PTPRD: variants seen among roughly 807,000 people sequenced by gnomAD.
The protein encoded by PTPRD is receptor-type tyrosine-protein phosphatase delta.
A neutral mutation model predicts 214.5 loss-of-function variants in PTPRD; 34 were observed. The observed-to-expected ratio is 0.16, with a 90% CI of 0.12 to 0.21. The LOEUF (loss-of-function observed/expected upper bound fraction) is 0.21, where lower values mean the gene tolerates loss of function less well. Ranked by LOEUF, PTPRD falls within the 10% of genes least tolerant of loss-of-function variation. The pLI, the probability that PTPRD is intolerant of heterozygous loss-of-function variation, is 1.00. For synonymous variants in PTPRD, 1,128 were observed against 845.7 expected (o/e 1.33, Z -5.79); for missense variants, 2,545 against 2,398.7 (o/e 1.06, Z -1.27).
At chr9:8,399,887 T>C (rs2092075204) in intron 36 of PTPRD, among the ~76,000 whole-genome samples, 2 of 152,218 alleles carry the variant, frequency 1.3e-5, no homozygotes, top group South Asian at 4.1e-4. Flanking sequence ...TTGATCATAC[T>C]TAAGTTTGCT....
At chr9:9,155,052 G>T (rs764501099) in intron 10 of PTPRD, among the ~76,000 whole-genome samples, 11 of 152,094 alleles carry the variant, frequency 7.2e-5, no homozygotes, top group Non-Finnish European at 1.5e-4. Context: ...CAATAGGGTG[G>T]TATTAAAATC....
chr9:10,386,656 CA>C (rs879888709), intron 2 of PTPRD, among the ~76,000 whole-genome samples: 39 of 35,292 alleles, frequency 1.1e-3, no homozygotes, highest in Middle Eastern at 0.012. Context: ...GCCCAAAGAC[CA>C]AAAAAACAAA....
chr9:8,638,658 A>C (rs2096501188), intron 12 of PTPRD, among the ~76,000 whole-genome samples: 1 of 152,054 alleles, frequency 6.6e-6, no homozygotes, highest in Admixed American at 6.6e-5. Flanking sequence ...CTCATCAGCA[A>C]ATTCAACTTG....
chr9:10,358,538 T>C (rs1256720868), intron 2 of PTPRD, among the ~76,000 whole-genome samples: 1 of 151,964 alleles, frequency 6.6e-6, no homozygotes, highest in Non-Finnish European at 1.5e-5. Flanking sequence ...GCAATGTCAA[T>C]GAATTAAATT....
At chr9:9,473,648 T>A (rs1329625312) in intron 8 of PTPRD, among the ~76,000 whole-genome samples, 1 of 152,122 alleles carries the variant, frequency 6.6e-6, no homozygotes, top group Non-Finnish European at 1.5e-5. Flanking sequence ...TGTTAGCACT[T>A]CATTCTCTTG....
At chr9:10,306,284 G>T (rs750610485) in intron 3 of PTPRD, among the ~76,000 whole-genome samples, 4 of 151,322 alleles carry the variant, frequency 2.6e-5, no homozygotes, top group Admixed American at 6.6e-5. Context: ...GGGTGGGGGG[G>T]GCTAGGGGAG....
chr9:9,785,802 T>C (rs530354903), intron 5 of PTPRD, among the ~76,000 whole-genome samples: 1 of 152,124 alleles, frequency 6.6e-6, no homozygotes, highest in African/African-American at 2.4e-5. Flanking sequence ...CTATGTCAGT[T>C]GTTAACATTA....
rs576516528 is a variant in PTPRD, at chr9:10,246,091, T to C, written c.-545+94872A>G. Among the ~76,000 whole-genome samples, 5 of 152,296 alleles carry C rather than the reference T, an allele frequency of 3.3e-5. No individual in the cohort carries two copies. In the East Asian group the frequency reaches 7.7e-4, roughly 24 times the overall value. On this transcript the variant is annotated intron_variant, in intron 3 of 45. Transcript: ENST00000381196. The stretch of plus-strand genomic sequence containing the variant: ...CTTTTTAAACCCTCTAGCAATCACA[T>C]ACTTCACAATAATGGTTAAAAGAAT...
intron 12 of PTPRD, among the ~76,000 whole-genome samples, chr9:8,663,321 A>T (rs2097102433): frequency 6.7e-6 from 1 of 149,786 alleles, no homozygotes; most frequent in African/African-American, 2.5e-5. Context: ...AAGGTAAAAG[A>T]CTCACAAGGA....
At chr9:10,305,161 T>A (rs2096014660) in intron 3 of PTPRD, among the ~76,000 whole-genome samples, 1 of 152,118 alleles carries the variant, frequency 6.6e-6, no homozygotes, top group Non-Finnish European at 1.5e-5. Flanking sequence ...GGGAAAGGAT[T>A]CCCTATTTAA....
At chr9:9,182,487 AG>A (rs1474900403) in intron 10 of PTPRD, among the ~76,000 whole-genome samples, 2 of 151,982 alleles carry the variant, frequency 1.3e-5, no homozygotes, top group Non-Finnish European at 2.9e-5. Context: ...ATTCATCACA[AG>A]TTTATTACGA....
At chr9:8,984,152 T>C (rs928333073) in intron 11 of PTPRD, among the ~76,000 whole-genome samples, 3 of 152,020 alleles carry the variant, frequency 2.0e-5, no homozygotes, top group Non-Finnish European at 4.4e-5. Flanking sequence ...ATAAAAACAA[T>C]ACAAAGACAT....
chr9:8,999,870 G>A (rs547772694), intron 11 of PTPRD, among the ~76,000 whole-genome samples: 1 of 151,988 alleles, frequency 6.6e-6, no homozygotes, highest in Admixed American at 6.6e-5. Context: ...GGGGGATGGG[G>A]TGTTGACAGA....
intron 7 of PTPRD, among the ~76,000 whole-genome samples, chr9:9,624,474 G>A (rs1003945869): frequency 6.6e-6 from 1 of 151,858 alleles, no homozygotes. Flanking sequence ...TTTTAGTAGA[G>A]ACAGGTTTTT....
chr9:9,769,851 C>T (rs566799600), intron 5 of PTPRD, among the ~76,000 whole-genome samples: 55 of 152,062 alleles, frequency 3.6e-4, no homozygotes, highest in African/African-American at 1.3e-3. Flanking sequence ...CAAGTGAGAA[C>T]ATGTGGTGTC....
chr9:10,291,204 C>T (rs568784186), intron 3 of PTPRD, among the ~76,000 whole-genome samples: 160 of 152,056 alleles, frequency 1.1e-3, no homozygotes, highest in Non-Finnish European at 1.8e-3. Flanking sequence ...ACACTAGAGT[C>T]TCCCTGGGTT....
intron 4 of PTPRD, among the ~76,000 whole-genome samples, chr9:9,969,687 G>A (rs1001391202): frequency 1.3e-5 from 2 of 152,138 alleles, no homozygotes. Context: ...TACTGCCCCT[G>A]GATGACTTCT....
chr9:8,518,145 C>A lies in PTPRD; in HGVS notation c.1246G>T (p.Ala416Ser). Residue 416 changes from alanine to serine, a missense_variant, in exon 21 of 46, where the codon GCA becomes TCA. Transcript: ENST00000381196. ...EPVLTQTSEQ[A>S]PSSAPRDVQA... ...ACATCCCTCGGGGCACTGGATGGTG[C>A]TTGCTCTGAGGTTTGTGTTAGCACA... 1 of 1,614,118 alleles carries A rather than the reference C, an allele frequency of 6.2e-7. No homozygotes were observed. Among genetic ancestry groups the A allele is most frequent in the Non-Finnish European group, 8.5e-7 (1 of 1,180,016 alleles).
chr9:9,697,663 G>A (rs1467445755), intron 7 of PTPRD, among the ~76,000 whole-genome samples: 1 of 152,068 alleles, frequency 6.6e-6, no homozygotes, highest in African/African-American at 2.4e-5. Flanking sequence ...CCTTGGGGTA[G>A]TTTTATCTGG....
Sources: allele counts gnomAD v4.1 joint callset (sites outside exome capture counted in the v4.1 genomes callset), GRCh38; gene constraint gnomAD v4.1.1; transcripts MANE v1.5; gene names NCBI Gene and HGNC (gene_info 2026-07-23, HGNC 2026-07-21).